The following REDIC1 variants were observed in gnomAD, a reference collection of about 807,000 sequenced individuals.
The protein encoded by REDIC1 is HEI10 Interacting Protein 1.
chr12:39,673,499 G>T, the REDIC1 span, among the ~76,000 whole-genome samples: 2 of 152,138 alleles, frequency 1.3e-5, no homozygotes, highest in Non-Finnish European at 2.9e-5. Context: ...CAAAAGCAAG[G>T]CTCTGCATAA....
At chr12:39,712,624 T>G in the REDIC1 span, among the ~76,000 whole-genome samples, 1 of 145,538 alleles carries the variant, frequency 6.9e-6, no homozygotes, top group South Asian at 2.1e-4. Context: ...TAGATATGTG[T>G]ATATATGTAT....
At chr12:39,831,297 C>T in the REDIC1 span, among the ~76,000 whole-genome samples, 2 of 152,038 alleles carry the variant, frequency 1.3e-5, no homozygotes, top group Non-Finnish European at 2.9e-5. Flanking sequence ...GAAACCGAAT[C>T]ATAAAATAAA....
the REDIC1 span, among the ~76,000 whole-genome samples, chr12:39,786,871 T>C: frequency 2.6e-5 from 4 of 152,330 alleles, no homozygotes; most frequent in East Asian, 7.7e-4. Flanking sequence ...GTAAATGACT[T>C]ATTTTGAGCT....
chr12:39,715,899 G>T, the REDIC1 span, among the ~76,000 whole-genome samples: 1 of 151,854 alleles, frequency 6.6e-6, no homozygotes, highest in Non-Finnish European at 1.5e-5. Context: ...TCACTTTTGT[G>T]CACTCTACTT....
the REDIC1 span, among the ~76,000 whole-genome samples, chr12:39,859,172 T>C: frequency 6.6e-6 from 1 of 152,096 alleles, no homozygotes; most frequent in East Asian, 1.9e-4. Flanking sequence ...GGGAACTTCA[T>C]CTGAAGAGGA....
the REDIC1 span, chr12:39,650,412 A>G: frequency 1.3e-6 from 2 of 1,539,114 alleles, no homozygotes; most frequent in Non-Finnish European, 1.7e-6. This position sits in a 1 kb window ranked among gnomAD's most constrained non-coding sequence, Gnocchi z 4.3. Context: ...TTTCACTTAG[A>G]AATTTGATTT....
the REDIC1 span, among the ~76,000 whole-genome samples, chr12:39,688,594 C>G: frequency 6.6e-6 from 1 of 152,090 alleles, no homozygotes. Flanking sequence ...AATTATTGAT[C>G]ATTAAACAGA....
chr12:39,748,522 G>A, the REDIC1 span, among the ~76,000 whole-genome samples: 1 of 152,074 alleles, frequency 6.6e-6, no homozygotes, highest in Non-Finnish European at 1.5e-5. Context: ...GAGACAGAAA[G>A]TTAACAAGAT....
the REDIC1 span, among the ~76,000 whole-genome samples, chr12:39,685,198 G>A: frequency 6.6e-6 from 1 of 152,122 alleles, no homozygotes; most frequent in Non-Finnish European, 1.5e-5. Context: ...CAAAACTTCT[G>A]TATTAGTTGA....
At chr12:39,784,271 A>T in the REDIC1 span, among the ~76,000 whole-genome samples, 3 of 152,322 alleles carry the variant, frequency 2.0e-5, no homozygotes, top group African/African-American at 4.8e-5. Context: ...TGCCAAGTCA[A>T]TCCTAAGCCA....
chr12:39,671,274 A>G, the REDIC1 span, among the ~76,000 whole-genome samples: 1 of 152,184 alleles, frequency 6.6e-6, no homozygotes, highest in Non-Finnish European at 1.5e-5. Flanking sequence ...GCAGTAGTGT[A>G]GTCTCTGTAT....
At chr12:39,640,742 AT>A in the REDIC1 span, among the ~76,000 whole-genome samples, 1 of 151,836 alleles carries the variant, frequency 6.6e-6, no homozygotes, top group Non-Finnish European at 1.5e-5. Context: ...GACATGCAGT[AT>A]TTTTTATTAG....
chr12:39,818,437 A>C, the REDIC1 span, among the ~76,000 whole-genome samples: 398 of 152,332 alleles, frequency 2.6e-3, no homozygotes, highest in African/African-American at 9.1e-3. Context: ...CAATCAGTGA[A>C]GAGCTTACAA....
chr12:39,869,636 C>T, the REDIC1 span, among the ~76,000 whole-genome samples: 100,797 of 151,928 alleles, frequency 0.66, 33,833 homozygotes, highest in East Asian at 0.76. Context: ...CTGAAATCCC[C>T]TGGTGTTTCC....
the REDIC1 span, among the ~76,000 whole-genome samples, chr12:39,897,622 G>A: frequency 5.2e-3 from 790 of 152,264 alleles, 9 homozygotes; most frequent in African/African-American, 0.018. Flanking sequence ...TTGAGCACTA[G>A]AAATATGGCT....
At chr12:39,907,732 G>T in the REDIC1 span, 1 of 150,456 alleles carries the variant, frequency 6.6e-6, no homozygotes, top group Admixed American at 6.8e-5. Flanking sequence ...ACAGGAAGCT[G>T]TAAATGTCTG....
the REDIC1 span, among the ~76,000 whole-genome samples, chr12:39,780,794 CATA>C: frequency 6.6e-6 from 1 of 152,186 alleles, no homozygotes; most frequent in East Asian, 1.9e-4. Flanking sequence ...CATGGAGCTA[CATA>C]ATGATTTTCT....
the REDIC1 span, among the ~76,000 whole-genome samples, chr12:39,847,366 C>G: frequency 3.9e-5 from 6 of 152,090 alleles, no homozygotes; most frequent in African/African-American, 1.4e-4. Flanking sequence ...CTCCTCCCGA[C>G]TGCTAGACAA....
the REDIC1 span, among the ~76,000 whole-genome samples, chr12:39,895,131 G>A: frequency 6.6e-6 from 1 of 152,036 alleles, no homozygotes; most frequent in South Asian, 2.1e-4. Context: ...AGCCTCCCAA[G>A]TACCTGGGAC....
Sources: allele counts gnomAD v4.1 joint callset (sites outside exome capture counted in the v4.1 genomes callset), GRCh38; gene constraint gnomAD v4.1.1; non-coding constraint Gnocchi (gnomAD v3.1); transcripts MANE v1.5; gene names NCBI Gene and HGNC (gene_info 2026-07-23, HGNC 2026-07-21).